The following TBC1D31 variants were observed in gnomAD, a reference collection of about 807,000 sequenced individuals.
TBC1D31 encodes the protein WD repeat domain 67.
TBC1D31 carries 99 observed loss-of-function variants against 132.9 expected under a neutral mutation model. The observed-to-expected ratio is 0.74, with a 90% CI of 0.63 to 0.88. TBC1D31 has a LOEUF of 0.88. TBC1D31 is among the 40% of genes least tolerant of loss of function. The pLI is 0.00. For missense variants in TBC1D31, 1,134 were observed against 1,256.6 expected (o/e 0.90, Z 1.48); for synonymous variants, 385 against 419.4 (o/e 0.92, Z 1.00).
rs550535587 is a variant in TBC1D31 at position 123,101,688 on chromosome 8, C to T, written c.1032+681C>T. ...TTGGCTTCCCACAGTGCTGGGATTACAGGTGTGAGCCACCACGCCCAGCCC... is the reference window on the plus strand; with the variant it reads ...TTGGCTTCCCACAGTGCTGGGATTATAGGTGTGAGCCACCACGCCCAGCCC... On this transcript the variant is annotated intron_variant, in intron 7 of 21. Coordinates refer to ENST00000287380, the MANE Select transcript of TBC1D31 (RefSeq NM_145647.4). Among the ~76,000 whole-genome samples, 4 of 152,326 alleles carry T rather than the reference C, an allele frequency of 2.6e-5. No homozygotes were observed. In the South Asian group the frequency reaches 8.3e-4, roughly 32 times the overall value.
rs768654714 is a variant in TBC1D31, at chr8:123,142,320, T to G, written c.2699T>G (p.Ile900Ser). Reference protein sequence around the residue: ...EQACLNTDWQIQSLHKQKCDD... With the variant: ...EQACLNTDWQSQSLHKQKCDD... ...GCATGCCTAAATACCGACTGGCAGA[T>G]TCAGTCTTTACATAAACAAAAATGT... Residue 900 changes from isoleucine (I) to serine (S), a missense_variant, in exon 19 of 22, where the codon ATT becomes AGT. Transcript: ENST00000287380. 62 of 1,605,216 alleles carry G rather than the reference T, an allele frequency of 3.9e-5. No homozygotes were observed. Among genetic ancestry groups the G allele is most frequent in the Non-Finnish European group, 5.3e-5 (62 of 1,177,358 alleles).
rs768474366 is a variant in TBC1D31, at chr8:123,130,290, A to G, written c.2363A>G (p.Gln788Arg). The G allele has an allele frequency of 6.2e-7, 1 of 1,613,330 alleles. No homozygotes were observed. The highest frequency in any genetic ancestry group is 2.2e-5 in the East Asian group (1 of 44,842). Reference sequence around the variant, plus strand: ...TTTCTGAAGCTTCAGCAAGATCAACAGGAAATGGAACTAAGAAGACTGGAT... The same window carrying G: ...TTTCTGAAGCTTCAGCAAGATCAACGGGAAATGGAACTAAGAAGACTGGAT... ...RRFLKLQQDQ[Q>R]EMELRRLDDE... Residue 788 changes from glutamine (Q) to arginine (R), a missense_variant, in exon 16 of 22, where the codon CAG becomes CGG. Coordinates refer to ENST00000287380, the MANE Select transcript of TBC1D31 (RefSeq NM_145647.4).
In TBC1D31 at chr8:123,072,775, G is replaced by T; in HGVS notation, c.6G>T (p.Gln2His). M[Q>H]STDLGNKESG... The stretch of plus-strand genomic sequence containing the variant: ...GGTCGTGGGCAAGCTTCGCCATGCA[G>T]AGCACTGACCTAGGCAACAAGGAGA... The change falls in exon 1 of 22, where the codon CAG (glutamine) becomes CAT (histidine). Residue 2 changes from glutamine (Q) to histidine (H), a missense_variant. Transcript: ENST00000287380. 1 of 1,566,222 alleles carries T rather than the reference G, an allele frequency of 6.4e-7. No homozygotes were observed. The highest frequency in any genetic ancestry group is 1.2e-5 in the South Asian group (1 of 85,140).
chr8:123,103,435 T>C (rs1817636388), intron 7 of TBC1D31: 1 of 152,108 alleles, frequency 6.6e-6, no homozygotes, highest in African/African-American at 2.4e-5. Flanking sequence ...TTTTCTTTTT[T>C]TTTTTGAGAT....
the TBC1D31 span, among the ~76,000 whole-genome samples, chr8:123,162,626 C>T: frequency 6.6e-5 from 10 of 152,088 alleles, no homozygotes; most frequent in African/African-American, 1.9e-4. Context: ...CCAGTGCCAC[C>T]GCCGGGGAGG....
chr8:123,158,341 T>C, the TBC1D31 span, among the ~76,000 whole-genome samples: 4 of 152,218 alleles, frequency 2.6e-5, no homozygotes, highest in Non-Finnish European at 4.4e-5. Flanking sequence ...TTTGTACTTT[T>C]CGCCGTATGT....
intron 2 of TBC1D31, among the ~76,000 whole-genome samples, chr8:123,079,991 T>C (rs1814968514): frequency 6.6e-6 from 1 of 152,218 alleles, no homozygotes; most frequent in South Asian, 2.1e-4. Flanking sequence ...CACTGTTGGT[T>C]GTTGGGGAGA....
chr8:123,117,747 C>G (rs1184799841), intron 10 of TBC1D31, among the ~76,000 whole-genome samples: 1 of 92,672 alleles, frequency 1.1e-5, no homozygotes, highest in East Asian at 2.8e-4. Flanking sequence ...AGCGAAACTC[C>G]GTCTCAAAAA....
rs538207573 is a variant in TBC1D31, at chr8:123,121,128, G to A, written c.1570+940G>A. ...GCCACACCATGCCCAGCTAATTTTT[G>A]TATTGTTTTAGTAGAGACAGAGTTT... On this transcript the variant is annotated intron_variant, in intron 11 of 21. Transcript: ENST00000287380. 7.4e-4 allele frequency among the ~76,000 whole-genome samples: 112 copies of A among 151,864 alleles called. 1 individual carries two copies. In the Middle Eastern group the frequency reaches 0.01, roughly 14 times the overall value.
At chr8:123,076,338 ATGTGTGTGTGTG>A (rs71310650) in intron 1 of TBC1D31, among the ~76,000 whole-genome samples, 27 of 149,450 alleles carry the variant, frequency 1.8e-4, no homozygotes, top group Non-Finnish European at 3.4e-4. Flanking sequence ...AATTGTGTGT[ATGTGTGTGTGTG>A]TGTGTGTGTG....
intron 18 of TBC1D31, among the ~76,000 whole-genome samples, chr8:123,141,798 G>A (rs1045353108): frequency 2.1e-5 from 3 of 144,192 alleles, no homozygotes; most frequent in Admixed American, 7.0e-5. Flanking sequence ...TACCCTAGCC[G>A]ATAAGTTCTT....
chr8:123,077,490 G>A (rs1226626830), intron 2 of TBC1D31, among the ~76,000 whole-genome samples: 1 of 149,666 alleles, frequency 6.7e-6, no homozygotes, highest in Admixed American at 6.6e-5. Flanking sequence ...ATCTCTAGTA[G>A]TTTCCTTTTT....
At chr8:123,143,281 A>G (rs1024046801) in intron 19 of TBC1D31, among the ~76,000 whole-genome samples, 1 of 152,196 alleles carries the variant, frequency 6.6e-6, no homozygotes, top group Non-Finnish European at 1.5e-5. Flanking sequence ...GAAAAATAGT[A>G]TTCTTCACAG....
chr8:123,117,859 T>G (rs1319034535), intron 10 of TBC1D31, among the ~76,000 whole-genome samples: 1 of 151,868 alleles, frequency 6.6e-6, no homozygotes, highest in Non-Finnish European at 1.5e-5. Context: ...GTGTGGAGAT[T>G]CAAGGCTGCA....
At chr8:123,149,610 C>T (rs1822579120) in intron 20 of TBC1D31, among the ~76,000 whole-genome samples, 1 of 152,206 alleles carries the variant, frequency 6.6e-6, no homozygotes, top group Admixed American at 6.5e-5. Context: ...TAGGGCACTG[C>T]CCTGCCTGCT....
intron 5 of TBC1D31, among the ~76,000 whole-genome samples, chr8:123,095,055 T>C (rs1816720748): frequency 6.6e-6 from 1 of 152,198 alleles, no homozygotes; most frequent in African/African-American, 2.4e-5. Context: ...ATTTCTCCTC[T>C]AGAGTTTTCT....
In TBC1D31 at chr8:123,080,542, TTTTTTTTTTTTTTG is replaced by T. The variant is rs1194993858; in HGVS notation, c.225-2159_225-2146del. On this transcript the variant is annotated intron_variant, in intron 2 of 21. Transcript: ENST00000287380. ...TTTTCTTTTATTCTTTTTTTTTTTT[TTTTTTTTTTTTTTG>T]AGACGGAGTCTCACCCTGTTGCCCA... Among the ~76,000 whole-genome samples the T allele has an allele frequency of 2.9e-5, 4 of 136,142 alleles. No homozygotes were observed. In the East Asian group the frequency reaches 6.2e-4, roughly 21 times the overall value. The allele number at this position is 136,142 out of a possible 152,430, so 89.3% of individuals were successfully genotyped here.
intron 19 of TBC1D31, 86 bp from the exon 20 acceptor site, chr8:123,144,631 G>C: frequency 7.8e-7 from 1 of 1,284,854 alleles, no homozygotes; most frequent in Non-Finnish European, 1.1e-6. Context: ...AAAGTGGATA[G>C]AGAAGACAGA....
chr8:123,119,003 T>A (rs7004882), intron 10 of TBC1D31, among the ~76,000 whole-genome samples: 1 of 152,218 alleles, frequency 6.6e-6, no homozygotes, highest in Non-Finnish European at 1.5e-5. Flanking sequence ...TGGGATTACA[T>A]GCATGAGTCA....
Sources: allele counts gnomAD v4.1 joint callset (sites outside exome capture counted in the v4.1 genomes callset), GRCh38; gene constraint gnomAD v4.1.1; transcripts MANE v1.5; gene names NCBI Gene and HGNC (gene_info 2026-07-23, HGNC 2026-07-21).